The following ENTPD1 variants were observed in gnomAD, a reference collection of about 807,000 sequenced individuals.
The protein encoded by ENTPD1 is ectonucleoside triphosphate diphosphohydrolase 1.
In ENTPD1, 33 loss-of-function variants were observed where a neutral mutation model predicts 57.0. The observed-to-expected ratio is 0.58, with a 90% CI of 0.44 to 0.77. The LOEUF (loss-of-function observed/expected upper bound fraction) is 0.77, where lower values mean the gene tolerates loss of function less well. Ranked by LOEUF, ENTPD1 falls within the 30% of genes least tolerant of loss-of-function variation. The pLI is 0.00. For missense variants in ENTPD1, 501 were observed against 603.4 expected (o/e 0.83, Z 1.78); for synonymous variants, 202 against 218.8 (o/e 0.92, Z 0.68).
At chr10:95,813,252 C>T (rs2098315363) in intron 1 of ENTPD1, among the ~76,000 whole-genome samples, 1 of 152,002 alleles carries the variant, frequency 6.6e-6, no homozygotes, top group African/African-American at 2.4e-5. Flanking sequence ...GAGCTGGTGG[C>T]CAAATATACA....
At chr10:95,701,039 C>G in the ENTPD1 span, among the ~76,000 whole-genome samples, 1 of 152,168 alleles carries the variant, frequency 6.6e-6, no homozygotes, top group South Asian at 2.1e-4. Context: ...GGTGATCTGC[C>G]CGCCTCAGCC....
the ENTPD1 span, among the ~76,000 whole-genome samples, chr10:95,700,403 T>C: frequency 6.6e-6 from 1 of 152,124 alleles, no homozygotes; most frequent in African/African-American, 2.4e-5. Context: ...TATTAGGAAC[T>C]CACACCTGTA....
rs564806796 is a variant in ENTPD1 at position 95,873,558 on chromosome 10, C to T, written c.*7175C>T. 36 of 985,416 alleles carry T rather than the reference C, an allele frequency of 3.7e-5. No individual in the cohort carries two copies. The South Asian group carries it at 6.1e-4, about 17-fold the overall frequency. 61.0% of individuals were successfully genotyped at this position (985,416 alleles called of 1,614,324 possible). A position where few individuals can be genotyped will look rare whatever the true frequency, so the allele number is the denominator to read the frequency against. On this transcript the variant is annotated 3_prime_UTR_variant, in exon 10 of 10. Coordinates refer to ENST00000371205, the MANE Select transcript of ENTPD1 (RefSeq NM_001776.6). ...AGTAGGTAGGTTATGCCAGCTCACA[C>T]GCATCCTTTAAAAATGGTTTAGAAG...
In ENTPD1 at chr10:95,749,898, A is replaced by T. The variant is rs532450970; in HGVS notation, c.37+37905A>T. Among the ~76,000 whole-genome samples, 20 of 152,322 alleles carry T rather than the reference A, an allele frequency of 1.3e-4. No homozygotes were observed. In the East Asian group the frequency reaches 3.7e-3, roughly 28 times the overall value. On this transcript the variant is annotated intron_variant, in intron 1 of 9. Coordinates refer to the ENTPD1 transcript ENST00000453258. ...AATTATTATAGTTTCTGGGTTGAAA[A>T]TAGGCTGAAGAGTTTGAAGAGTAGA...
intron 1 of ENTPD1, among the ~76,000 whole-genome samples, chr10:95,728,612 GA>G (rs2097986138): frequency 6.6e-6 from 1 of 152,052 alleles, no homozygotes; most frequent in Non-Finnish European, 1.5e-5. Context: ...TAAACACAAT[GA>G]AAAATATGTG....
chr10:95,844,288 TATTA>T (rs1410198781), intron 4 of ENTPD1, among the ~76,000 whole-genome samples, 184 bp from the exon 5 acceptor site: 13 of 152,194 alleles, frequency 8.5e-5, no homozygotes, highest in African/African-American at 3.1e-4. Context: ...ATGAACAAAA[TATTA>T]ATTCTGCCTC....
Position 95,873,128 on chromosome 10 carries a change from T to A in ENTPD1, c.*6745T>A. The A allele has an allele frequency of 2.0e-6, 2 of 977,040 alleles. No homozygotes were observed. The highest frequency in any genetic ancestry group is 2.4e-6 in the Non-Finnish European group (2 of 822,284). The allele number at this position is 977,040 out of a possible 1,614,324, so 60.5% of individuals were successfully genotyped here. A position where few individuals can be genotyped will look rare whatever the true frequency, so the allele number is the denominator to read the frequency against. Reference sequence around the variant, plus strand: ...CTGAGGTTTTACATTTCCAACAAGCTGCCAGGTAAAGCCAATACATCTGTC... The same window carrying A: ...CTGAGGTTTTACATTTCCAACAAGCAGCCAGGTAAAGCCAATACATCTGTC... On this transcript the variant is annotated 3_prime_UTR_variant, in exon 10 of 10. Coordinates refer to ENST00000371205, the MANE Select transcript of ENTPD1 (RefSeq NM_001776.6).
intron 2 of ENTPD1, among the ~76,000 whole-genome samples, chr10:95,831,929 C>A (rs2098397844): frequency 6.6e-6 from 1 of 152,212 alleles, no homozygotes. Context: ...CATTGAATAT[C>A]AACTCTATTG....
chr10:95,834,753 C>A (rs1197359587), intron 2 of ENTPD1, among the ~76,000 whole-genome samples: 1 of 152,030 alleles, frequency 6.6e-6, no homozygotes, highest in Non-Finnish European at 1.5e-5. Flanking sequence ...ATTTCCAGGT[C>A]TTCACCAAGG....
At chr10:95,730,223 T>G (rs564574462) in intron 1 of ENTPD1, among the ~76,000 whole-genome samples, 5 of 138,532 alleles carry the variant, frequency 3.6e-5, no homozygotes, top group Admixed American at 7.1e-5. Flanking sequence ...GTTCTTTTGT[T>G]TTTTTTTTTT....
chr10:95,802,916 T>C (rs369645072), intron 1 of ENTPD1, among the ~76,000 whole-genome samples: 4 of 152,322 alleles, frequency 2.6e-5, no homozygotes, highest in South Asian at 4.1e-4. Flanking sequence ...TAAACATACG[T>C]ATGCATACGT....
chr10:95,736,151 C>A (rs922627089), intron 1 of ENTPD1, among the ~76,000 whole-genome samples: 1 of 151,982 alleles, frequency 6.6e-6, no homozygotes, highest in Non-Finnish European at 1.5e-5. Context: ...CAGGCTCATG[C>A]CACCATGCTA....
chr10:95,827,393 T>G (rs1362763676), intron 2 of ENTPD1, among the ~76,000 whole-genome samples: 2 of 151,576 alleles, frequency 1.3e-5, no homozygotes, highest in Non-Finnish European at 2.9e-5. Context: ...AGGTGAAGGT[T>G]GCAGTGAGCC....
At chr10:95,742,719 CAT>C (rs1015224470) in intron 1 of ENTPD1, among the ~76,000 whole-genome samples, 5 of 152,112 alleles carry the variant, frequency 3.3e-5, no homozygotes, top group Non-Finnish European at 7.4e-5. Context: ...AACAAGAAAT[CAT>C]GTGTAACAAA....
intron 2 of ENTPD1, among the ~76,000 whole-genome samples, chr10:95,834,229 C>T (rs1164961661): frequency 6.6e-6 from 1 of 152,152 alleles, no homozygotes; most frequent in African/African-American, 2.4e-5. Context: ...GATATACCAT[C>T]GTGGATGCTG....
intron 3 of ENTPD1, 63 bp from the exon 4 acceptor site, chr10:95,842,281 A>C: frequency 7.0e-7 from 1 of 1,433,856 alleles, no homozygotes; most frequent in Non-Finnish European, 9.8e-7. Flanking sequence ...TTGATCTACT[A>C]TTGTCAAGGT....
intron 1 of ENTPD1, among the ~76,000 whole-genome samples, chr10:95,762,763 A>G (rs547108487): frequency 6.6e-6 from 1 of 152,252 alleles, no homozygotes; most frequent in African/African-American, 2.4e-5. Flanking sequence ...GTTCTTGATT[A>G]CTGTTGCCAG....
intron 1 of ENTPD1, among the ~76,000 whole-genome samples, chr10:95,795,184 G>GGTTA (rs1047438876): frequency 1.1e-4 from 17 of 152,102 alleles, no homozygotes; most frequent in African/African-American, 3.4e-4. Context: ...TGATGGAGAG[G>GGTTA]GTTACATGGC....
intron 1 of ENTPD1, among the ~76,000 whole-genome samples, chr10:95,775,234 C>T (rs2098129586): frequency 6.6e-6 from 1 of 152,198 alleles, no homozygotes; most frequent in Admixed American, 6.5e-5. Context: ...TGGGCTGAGA[C>T]AATGGGGTTT....
Sources: gnomAD v4.1 joint callset for allele counts (sites outside exome capture counted in the v4.1 genomes callset) on GRCh38, gnomAD v4.1.1 for gene constraint, MANE v1.5 for transcripts, NCBI Gene and HGNC (gene_info 2026-07-23, HGNC 2026-07-21) for gene names.